Variants in SPACA1 observed in about 807,000 individuals in gnomAD.
SPACA1 encodes the protein sperm acrosome membrane-associated protein 1.
In SPACA1, 17 loss-of-function variants were observed where a neutral mutation model predicts 32.6. That is an observed-to-expected ratio of 0.52 (90% CI 0.36 to 0.78). The LOEUF (loss-of-function observed/expected upper bound fraction) is 0.78. SPACA1 is among the 30% of genes least tolerant of loss of function. The pLI is 0.01. For synonymous variants in SPACA1, 140 were observed against 138.1 expected (o/e 1.01, Z -0.10); for missense variants, 363 against 373.4 (o/e 0.97, Z 0.23).
At chr6:88,058,580 A>G (rs367839603) in intron 3 of SPACA1, 136 bp from the exon 4 acceptor site, 8 of 584,884 alleles carry the variant, frequency 1.4e-5, no homozygotes, top group Non-Finnish European at 2.1e-5. Flanking sequence ...CAGAGATTGC[A>G]GTGAGCCAAG....
chr6:88,063,008 A>G (rs946340081), intron 5 of SPACA1, among the ~76,000 whole-genome samples: 1 of 152,212 alleles, frequency 6.6e-6, no homozygotes, highest in African/African-American at 2.4e-5. Flanking sequence ...AAAAGGAAAC[A>G]TTGAATAAAT....
At chr6:88,050,204 G>A (rs1157547708) in intron 1 of SPACA1, among the ~76,000 whole-genome samples, 3 of 152,148 alleles carry the variant, frequency 2.0e-5, no homozygotes, top group Non-Finnish European at 2.9e-5. Context: ...CATCCTTTTA[G>A]CGAAACAGTA....
intron 1 of SPACA1, 120 bp downstream of exon 1, chr6:88,048,233 T>C: frequency 9.3e-7 from 1 of 1,073,646 alleles, no homozygotes; most frequent in South Asian, 1.7e-5. Context: ...TCTCTCATAC[T>C]TCAGCCCCGA....
At chr6:88,051,264 G>A (rs1377578638) in intron 1 of SPACA1, among the ~76,000 whole-genome samples, 1 of 151,844 alleles carries the variant, frequency 6.6e-6, no homozygotes, top group African/African-American at 2.4e-5. Context: ...TTATAAAAAG[G>A]GGCCAATAGA....
intron 2 of SPACA1, among the ~76,000 whole-genome samples, chr6:88,054,743 A>G (rs1477249017): frequency 6.6e-6 from 1 of 152,146 alleles, no homozygotes; most frequent in Non-Finnish European, 1.5e-5. Context: ...ATCAGAATGA[A>G]TTTTGCAGGG....
intron 5 of SPACA1, among the ~76,000 whole-genome samples, chr6:88,059,969 T>C: frequency 6.6e-6 from 1 of 152,228 alleles, no homozygotes; most frequent in East Asian, 1.9e-4. Context: ...TGAAAATGGA[T>C]AAATGGAATT....
At position 88,048,059 on chromosome 6, in the gene SPACA1, G is replaced by T; in HGVS notation, c.154G>T (p.Glu52Ter). The T allele has an allele frequency of 6.2e-7, 1 of 1,603,842 alleles. No individual in the cohort carries two copies. Among genetic ancestry groups the T allele is most frequent in the South Asian group, 1.1e-5 (1 of 88,416 alleles). The change falls in exon 1 of 7, where the codon GAA becomes TAA. Residue 52 changes from glutamate (E) to a stop codon, truncating the protein, a stop_gained. Transcript: ENST00000237201. LOFTEE classifies it high-confidence loss of function. The part of the protein sequence containing the change: ...AHEGEGEEET[E>*]NNDSETAENY... Reference sequence around the variant, plus strand: ...CGAAGGCGAGGGCGAGGAGGAGACCGAAAACAACGACAGCGAGACCGCGGA... The same window carrying T: ...CGAAGGCGAGGGCGAGGAGGAGACCTAAAACAACGACAGCGAGACCGCGGA...
rs1411681881 is a variant in SPACA1, at chr6:88,066,563, G to A, written c.*228G>A. ...CACTTATTTCAGGTAATAGCTTGGG[G>A]ATATTTATCTAAAGGTACCCCCAAC... On this transcript the variant is annotated 3_prime_UTR_variant, in exon 7 of 7. Transcript: ENST00000237201. 3.5e-6 allele frequency: 1 copy of A among 284,806 alleles called. No homozygotes were observed. The highest frequency in any genetic ancestry group is 2.2e-5 in the African/African-American group (1 of 45,746). The allele number at this position is 284,806 out of a possible 1,614,324, so 17.6% of individuals were successfully genotyped here.
Position 88,059,715 on chromosome 6 carries a change from G to T in SPACA1, c.610+127G>T, listed in dbSNP as rs1356909851. ...CAGAGTTTCTGATTCAGTAGATTTG[G>T]GATGGGACTGGAACAAGAATTTCCA... On this transcript the variant is annotated intron_variant, in intron 5 of 6. Coordinates refer to ENST00000237201, the MANE Select transcript of SPACA1 (RefSeq NM_030960.3). 3 of 904,384 alleles carry T rather than the reference G, an allele frequency of 3.3e-6. No homozygotes were observed. The East Asian group carries it at 9.0e-5, about 27-fold the overall frequency. 56.0% of individuals were successfully genotyped at this position (904,384 alleles called of 1,614,324 possible).
intron 2 of SPACA1, among the ~76,000 whole-genome samples, chr6:88,056,698 G>T (rs1486778145): frequency 1.3e-5 from 2 of 152,182 alleles, no homozygotes; most frequent in Non-Finnish European, 2.9e-5. Flanking sequence ...AGAGGGGCTG[G>T]AAGAGGAAAT....
intron 1 of SPACA1, among the ~76,000 whole-genome samples, chr6:88,051,806 A>G (rs1775731665): frequency 6.6e-6 from 1 of 152,222 alleles, no homozygotes. Context: ...ATCCAGATGT[A>G]TCATCAAATA....
chr6:88,047,055 G>T (rs182474910), upstream of SPACA1, among the ~76,000 whole-genome samples: 8 of 152,244 alleles, frequency 5.3e-5, no homozygotes, highest in East Asian at 1.5e-3. Context: ...GTGACTACTA[G>T]ATGAGGTAAA....
At chr6:88,047,182 G>A (rs806425), upstream of SPACA1, among the ~76,000 whole-genome samples, 97,058 of 152,064 alleles carry the variant, frequency 0.64, 31,285 homozygotes, top group East Asian at 0.78. Context: ...TGATCATCGA[G>A]TAAGTAAGTG....
chr6:88,063,920 C>G (rs936671400), intron 5 of SPACA1, among the ~76,000 whole-genome samples, 179 bp from the exon 6 acceptor site: 12 of 152,020 alleles, frequency 7.9e-5, no homozygotes, highest in Non-Finnish European at 1.6e-4. Context: ...ATTCTTTTAA[C>G]TTTTTTCATG....
intron 1 of SPACA1, among the ~76,000 whole-genome samples, chr6:88,049,477 G>A (rs1338806205): frequency 1.3e-5 from 2 of 152,092 alleles, no homozygotes; most frequent in African/African-American, 2.4e-5. Flanking sequence ...CTTGGGGAGC[G>A]AGAGAATCCA....
chr6:88,064,299 C>G, intron 6 of SPACA1, 80 bp downstream of exon 6: 1 of 1,448,850 alleles, frequency 6.9e-7, no homozygotes, highest in Non-Finnish European at 9.4e-7. Context: ...ATTGCAAAGC[C>G]CTGTCCGTGA....
chr6:88,047,832 G>C (rs78486869), upstream of SPACA1: 6,957 of 1,390,748 alleles, frequency 5.0e-3, 292 homozygotes, highest in African/African-American at 0.086. Flanking sequence ...GGGTGTCGCA[G>C]CTCTCTTCGA....
intron 5 of SPACA1, among the ~76,000 whole-genome samples, chr6:88,063,131 A>G (rs895934750): frequency 2.6e-5 from 4 of 152,200 alleles, no homozygotes; most frequent in South Asian, 2.1e-4. Context: ...AGTCAGTACA[A>G]TCAGTTTGAG....
chr6:88,061,266 T>C (rs1775892669), intron 5 of SPACA1, among the ~76,000 whole-genome samples: 1 of 152,164 alleles, frequency 6.6e-6, no homozygotes, highest in Non-Finnish European at 1.5e-5. Flanking sequence ...TAATTAGGCA[T>C]TGTTAAAAAA....
Sources: gnomAD v4.1 joint callset for allele counts (sites outside exome capture counted in the v4.1 genomes callset) on GRCh38, gnomAD v4.1.1 for gene constraint, MANE v1.5 for transcripts, NCBI Gene and HGNC (gene_info 2026-07-23, HGNC 2026-07-21) for gene names.